Variants in DOK6 observed in about 807,000 individuals in gnomAD.
DOK6 encodes the protein downstream of tyrosine kinase 6.
In DOK6, 22 loss-of-function variants were observed where a neutral mutation model predicts 44.0. The observed-to-expected ratio is 0.50, with a 90% CI of 0.36 to 0.71. The LOEUF is 0.71. Ranked by LOEUF, DOK6 falls within the 30% of genes least tolerant of loss-of-function variation. DOK6 has a pLI of 0.00. For missense variants in DOK6, 340 were observed against 416.4 expected, an observed-to-expected ratio of 0.82 and a Z score of 1.60; for synonymous variants, 166 against 145.5, an observed-to-expected ratio of 1.14 and a Z score of -1.01.
At chr18:69,610,211 G>A (rs4361028) in intron 3 of DOK6, among the ~76,000 whole-genome samples, 143,246 of 152,246 alleles carry the variant, frequency 0.94, 68,001 homozygotes, top group East Asian at 1. Context: ...GAGTTCTCAC[G>A]TTTATTTCCC....
intron 3 of DOK6, among the ~76,000 whole-genome samples, chr18:69,645,111 C>T (rs9959265): frequency 0.052 from 7,898 of 152,256 alleles, 245 homozygotes; most frequent in Middle Eastern, 0.095. Context: ...TAGAACACCG[C>T]TAAAACCAGG....
intron 1 of DOK6, among the ~76,000 whole-genome samples, chr18:69,474,199 ACT>A (rs138846473): frequency 8.0e-5 from 12 of 150,268 alleles, no homozygotes; most frequent in East Asian, 7.9e-4. Flanking sequence ...TCTCTCACAC[ACT>A]CTCTCTCTGG....
At chr18:69,691,705 G>A (rs1431321754) in intron 4 of DOK6, among the ~76,000 whole-genome samples, 2 of 152,196 alleles carry the variant, frequency 1.3e-5, no homozygotes, top group African/African-American at 4.8e-5. Flanking sequence ...TGGGACAAGT[G>A]CACACTTTAT....
At chr18:69,719,386 T>C (rs545941470) in intron 5 of DOK6, among the ~76,000 whole-genome samples, 1 of 152,342 alleles carries the variant, frequency 6.6e-6, no homozygotes, top group Admixed American at 6.5e-5. Flanking sequence ...TGGTCTGTCC[T>C]AATGCAAAGT....
intron 1 of DOK6, among the ~76,000 whole-genome samples, chr18:69,524,659 A>G (rs189862538): frequency 1.3e-5 from 2 of 152,150 alleles, no homozygotes; most frequent in African/African-American, 4.8e-5. Flanking sequence ...ACAACTAAAA[A>G]TGTTCATTTG....
At chr18:69,694,857 C>T (rs1986357073) in intron 4 of DOK6, among the ~76,000 whole-genome samples, 1 of 152,160 alleles carries the variant, frequency 6.6e-6, no homozygotes, top group African/African-American at 2.4e-5. Context: ...TGTCAATCAT[C>T]TGATAAGGAA....
intron 3 of DOK6, among the ~76,000 whole-genome samples, chr18:69,671,080 G>A (rs1444850214): frequency 1.3e-5 from 2 of 151,850 alleles, no homozygotes; most frequent in South Asian, 2.1e-4. Flanking sequence ...TGTTTTCTCT[G>A]GATTGTTTTA....
At chr18:69,737,856 T>A (rs1488650289) in intron 5 of DOK6, among the ~76,000 whole-genome samples, 1 of 152,172 alleles carries the variant, frequency 6.6e-6, no homozygotes, top group Non-Finnish European at 1.5e-5. Flanking sequence ...TTCCAAAGGC[T>A]AATAAGTACT....
chr18:69,436,273 C>G (rs1408564651), intron 1 of DOK6, among the ~76,000 whole-genome samples: 3 of 151,878 alleles, frequency 2.0e-5, no homozygotes, highest in African/African-American at 7.3e-5. Flanking sequence ...CACCCATCAA[C>G]CCATCATCTA....
chr18:69,548,781 G>C (rs890772258), intron 1 of DOK6, among the ~76,000 whole-genome samples: 1 of 151,472 alleles, frequency 6.6e-6, no homozygotes, highest in Non-Finnish European at 1.5e-5. Flanking sequence ...TTAATTGTAA[G>C]AGCTTCAGTT....
intron 3 of DOK6, among the ~76,000 whole-genome samples, chr18:69,640,626 GAGT>G (rs1229616697): frequency 2.6e-5 from 4 of 152,194 alleles, no homozygotes; most frequent in South Asian, 2.1e-4. Flanking sequence ...GGACTGAGAA[GAGT>G]AAGGGACAGG....
chr18:69,747,508 C>T lies in DOK6; in HGVS notation c.738+8405C>T, dbSNP rs1218925752. Among the ~76,000 whole-genome samples the T allele has an allele frequency of 3.3e-5, 5 of 152,216 alleles. No homozygotes were observed. The East Asian group carries it at 5.8e-4, about 18-fold the overall frequency. On this transcript the variant is annotated intron_variant, in intron 6 of 7. Coordinates refer to ENST00000382713, the MANE Select transcript of DOK6 (RefSeq NM_152721.6). ...AAATTCCCAACATTTGTCAGCCCCA[C>T]CTTCCTAGTAACTTAGGTCTTCTCA...
intron 7 of DOK6, among the ~76,000 whole-genome samples, chr18:69,782,567 T>G (rs1421501119): frequency 6.6e-6 from 1 of 151,954 alleles, no homozygotes; most frequent in African/African-American, 2.4e-5. Flanking sequence ...ATCTTAGAAG[T>G]TAGTTCCACA....
At chr18:69,437,415 T>A (rs1470885330) in intron 1 of DOK6, among the ~76,000 whole-genome samples, 2 of 152,236 alleles carry the variant, frequency 1.3e-5, no homozygotes, top group African/African-American at 4.8e-5. Context: ...AAATAGGGAA[T>A]CCTTTCCCCA....
At chr18:69,624,844 C>T (rs1320992026) in intron 3 of DOK6, among the ~76,000 whole-genome samples, 1 of 152,048 alleles carries the variant, frequency 6.6e-6, no homozygotes, top group African/African-American at 2.4e-5. Flanking sequence ...TTACTTTACG[C>T]TGCAGGAGTT....
intron 3 of DOK6, among the ~76,000 whole-genome samples, chr18:69,616,403 G>A (rs1984286052): frequency 6.6e-6 from 1 of 151,738 alleles, no homozygotes; most frequent in African/African-American, 2.4e-5. Flanking sequence ...CTGGCCCTGT[G>A]CTCCTTCTCT....
intron 5 of DOK6, chr18:69,704,920 T>C (rs1189606336): frequency 6.6e-6 from 1 of 150,442 alleles, no homozygotes; most frequent in African/African-American, 2.4e-5. Context: ...AAGGGAAAGT[T>C]TGGGAGGCAA....
At chr18:69,615,411 C>T (rs987181386) in intron 3 of DOK6, among the ~76,000 whole-genome samples, 16 of 152,140 alleles carry the variant, frequency 1.1e-4, no homozygotes, top group African/African-American at 3.9e-4. Flanking sequence ...GCTGGAACAA[C>T]TTATATTTCT....
In DOK6 at chr18:69,637,097, GC is replaced by G. The variant is rs201302010; in HGVS notation, c.289+37600del. On this transcript the variant is annotated intron_variant, in intron 3 of 7. Coordinates refer to ENST00000382713, the MANE Select transcript of DOK6 (RefSeq NM_152721.6). ...CATTACCCAGAGCAGTCAGCAGGGA[GC>G]TCCCCAAGCTTGGCCTCCGCTCTGT... Among the ~76,000 whole-genome samples, 32 of 152,328 alleles carry G rather than the reference GC, an allele frequency of 2.1e-4. No homozygotes were observed. The East Asian group carries it at 6.0e-3, about 28-fold the overall frequency.
Sources: allele counts gnomAD v4.1 joint callset (sites outside exome capture counted in the v4.1 genomes callset), GRCh38; gene constraint gnomAD v4.1.1; transcripts MANE v1.5; gene names NCBI Gene and HGNC (gene_info 2026-07-23, HGNC 2026-07-21).